The following CCDC141 variants were observed in gnomAD, a reference collection of about 807,000 sequenced individuals.
CCDC141 encodes coiled-coil domain containing 141, also known as coiled-coil domain-containing protein 141.
A neutral mutation model predicts 181.0 loss-of-function variants in CCDC141; 168 were observed. The observed-to-expected ratio is 0.93, with a 90% CI of 0.82 to 1.05. The LOEUF (loss-of-function observed/expected upper bound fraction) is 1.05, where lower values mean the gene tolerates loss of function less well. CCDC141 is among the 50% of genes least tolerant of loss of function. CCDC141 has a pLI of 0.00. For synonymous variants in CCDC141, 666 were observed against 642.3 expected, an observed-to-expected ratio of 1.04 and a Z score of -0.56; for missense variants, 1,902 against 1,788.5, an observed-to-expected ratio of 1.06 and a Z score of -1.14.
intron 6 of CCDC141, among the ~76,000 whole-genome samples, chr2:178,937,161 C>T (rs1382079377): frequency 6.6e-6 from 1 of 152,148 alleles, no homozygotes. Context: ...GCATCCTTGT[C>T]TTATGCCAGT....
chr2:178,893,307 C>T (rs1687245677), intron 8 of CCDC141, among the ~76,000 whole-genome samples: 1 of 151,764 alleles, frequency 6.6e-6, no homozygotes, highest in South Asian at 2.1e-4. Flanking sequence ...AAGCAGTTGC[C>T]CTATCTTTGC....
Position 179,050,077 on chromosome 2 carries a change from G to A in CCDC141, c.-136C>T, listed in dbSNP as rs1444494041. 7 of 1,352,126 alleles carry A rather than the reference G, an allele frequency of 5.2e-6. No individual in the cohort carries two copies. In the African/African-American group the frequency reaches 7.4e-5, roughly 14 times the overall value. 83.8% of individuals were successfully genotyped at this position (1,352,126 alleles called of 1,614,324 possible). ...CTCACACTGATTACTCTGCCAAAAG[G>A]AAAGAACAGGAGGTTAAAAATAGAC... is the stretch of plus-strand genomic sequence containing the variant. On this transcript the variant is annotated 5_prime_UTR_variant, in exon 1 of 24. Transcript: ENST00000443758.
At chr2:178,843,356 C>T (rs1328660168) in intron 22 of CCDC141, among the ~76,000 whole-genome samples, 1 of 152,178 alleles carries the variant, frequency 6.6e-6, no homozygotes, top group Admixed American at 6.5e-5. Context: ...AATTCTATAA[C>T]TCTAAATGCT....
intron 2 of CCDC141, among the ~76,000 whole-genome samples, chr2:179,004,793 C>T (rs566962764): frequency 5.9e-5 from 9 of 152,122 alleles, no homozygotes; most frequent in South Asian, 2.1e-4. Flanking sequence ...TGCAGTGGCA[C>T]GATCTTGGCT....
At chr2:178,964,561 G>A (rs373713731) in intron 4 of CCDC141, among the ~76,000 whole-genome samples, 2 of 152,150 alleles carry the variant, frequency 1.3e-5, no homozygotes, top group East Asian at 3.8e-4. Context: ...TCCTGAGCCA[G>A]CATTAACTTG....
intron 5 of CCDC141, among the ~76,000 whole-genome samples, chr2:178,952,916 T>C (rs959056136): frequency 6.6e-6 from 1 of 152,218 alleles, no homozygotes; most frequent in Non-Finnish European, 1.5e-5. Flanking sequence ...CATTTATTGA[T>C]ACACAAATGC....
chr2:178,862,285 T>C (rs1019487064), intron 17 of CCDC141, among the ~76,000 whole-genome samples: 1 of 152,222 alleles, frequency 6.6e-6, no homozygotes, highest in Non-Finnish European at 1.5e-5. Context: ...GGAAGTTCTA[T>C]GTGGAAAACT....
intron 2 of CCDC141, among the ~76,000 whole-genome samples, chr2:178,999,160 A>G (rs1030141261): frequency 2.6e-5 from 4 of 152,110 alleles, no homozygotes; most frequent in Admixed American, 2.6e-4. Flanking sequence ...CAAATTTTCC[A>G]CAACTACCTC....
chr2:179,049,808 G>A (rs2043619896), intron 1 of CCDC141, 32 bp downstream of exon 1: 1 of 1,549,964 alleles, frequency 6.5e-7, no homozygotes, highest in South Asian at 1.2e-5. Context: ...GAAGCCCACA[G>A]CCGCACAGAA....
downstream of CCDC141, among the ~76,000 whole-genome samples, chr2:178,829,490 G>C (rs1684178927): frequency 6.6e-6 from 1 of 152,350 alleles, no homozygotes; most frequent in South Asian, 2.1e-4. Flanking sequence ...AAAAGGAACA[G>C]TGCTGTGGAG....
the CCDC141 span, among the ~76,000 whole-genome samples, chr2:178,824,061 A>AAC: frequency 0.016 from 2,411 of 147,494 alleles, 30 homozygotes; most frequent in African/African-American, 0.04. Context: ...TACAGAGAAA[A>AAC]ACACACACAC....
At chr2:178,956,943 G>A (rs187117334) in intron 5 of CCDC141, among the ~76,000 whole-genome samples, 4 of 151,806 alleles carry the variant, frequency 2.6e-5, no homozygotes, top group Admixed American at 2.6e-4. Context: ...GCAATGGCAC[G>A]ATCTCGGCTC....
downstream of CCDC141, among the ~76,000 whole-genome samples, chr2:178,827,567 C>T (rs1268764211): frequency 6.6e-6 from 1 of 152,112 alleles, no homozygotes; most frequent in Non-Finnish European, 1.5e-5. Context: ...CCATAGTGCA[C>T]TTAGGGGGTG....
At chr2:178,934,324 A>G (rs1209229590) in intron 6 of CCDC141, among the ~76,000 whole-genome samples, 1 of 152,164 alleles carries the variant, frequency 6.6e-6, no homozygotes, top group Non-Finnish European at 1.5e-5. Flanking sequence ...ATTAGCAAGT[A>G]TTTGTTTGCA....
chr2:178,888,614 A>G lies in CCDC141; in HGVS notation c.1320T>C (p.Asp440=), dbSNP rs1241105750. Residue 440 remains aspartate, a synonymous_variant, in exon 9 of 24, where the codon GAT becomes GAC. Transcript: ENST00000443758. ...EMMGCIKRRV[D]HLTEQCSAHK... ...GCGCTGAACACTGTTCGGTCAGATG[A>G]TCCACTCGTCTCTTAATGCACCCCA... The G allele has an allele frequency of 6.4e-7, 1 of 1,550,638 alleles. No homozygotes were observed. Among genetic ancestry groups the G allele is most frequent in the Non-Finnish European group, 8.7e-7 (1 of 1,146,928 alleles).
chr2:178,901,043 C>A (rs1687662509), intron 8 of CCDC141, among the ~76,000 whole-genome samples: 1 of 152,052 alleles, frequency 6.6e-6, no homozygotes, highest in Admixed American at 6.6e-5. Flanking sequence ...AGACAGGAAC[C>A]AGGCTTTGGG....
At chr2:178,817,977 A>C in the CCDC141 span, among the ~76,000 whole-genome samples, 5 of 151,944 alleles carry the variant, frequency 3.3e-5, no homozygotes, top group African/African-American at 1.2e-4. Context: ...TAATTTTTGT[A>C]TTTTTAGTAG....
intron 6 of CCDC141, among the ~76,000 whole-genome samples, chr2:178,943,948 A>T (rs1689625243): frequency 6.6e-6 from 1 of 152,198 alleles, no homozygotes; most frequent in South Asian, 2.1e-4. Flanking sequence ...AATCTGAAGC[A>T]AGTTAAAGAG....
intron 2 of CCDC141, among the ~76,000 whole-genome samples, chr2:179,045,669 AC>A (rs1303124325): frequency 6.6e-6 from 1 of 151,652 alleles, no homozygotes; most frequent in African/African-American, 2.4e-5. Flanking sequence ...CCTCTCCAGC[AC>A]CTGTTGTTTC....
Sources: allele counts gnomAD v4.1 joint callset (sites outside exome capture counted in the v4.1 genomes callset), GRCh38; gene constraint gnomAD v4.1.1; transcripts MANE v1.5; gene names NCBI Gene and HGNC (gene_info 2026-07-23, HGNC 2026-07-21).